The following MIS18A variants were observed in gnomAD, a reference collection of about 807,000 sequenced individuals.
MIS18A encodes MIS18 kinetochore protein A, also known as protein Mis18-alpha.
A neutral mutation model predicts 25.0 loss-of-function variants in MIS18A; 14 were observed. The observed-to-expected ratio is 0.56, with a 90% CI of 0.37 to 0.88. MIS18A has a LOEUF of 0.88. MIS18A is among the 40% of genes least tolerant of loss of function. The pLI, the probability that MIS18A is intolerant of heterozygous loss-of-function variation, is 0.00. For missense variants in MIS18A, 292 were observed against 290.8 expected, an observed-to-expected ratio of 1.00 and a Z score of -0.03; for synonymous variants, 134 against 118.6, an observed-to-expected ratio of 1.13 and a Z score of -0.84.
chr21:32,276,073 A>G (rs79428980), intron 1 of MIS18A, among the ~76,000 whole-genome samples: 1 of 152,004 alleles, frequency 6.6e-6, no homozygotes. Flanking sequence ...TCCTCCCTAA[A>G]TCTTATCTTT....
chr21:32,278,970 G>T lies in MIS18A; in HGVS notation c.45C>A (p.Gly15=), dbSNP rs1441564293. 3 of 1,611,442 alleles carry T rather than the reference G, an allele frequency of 1.9e-6. No homozygotes were observed. The highest frequency in any genetic ancestry group is 2.5e-6 in the Non-Finnish European group (3 of 1,179,892). The part of the protein sequence containing the change: ...RSLRCSRGCA[G]GCECGDKGKC... ...TGCCCTTGTCGCCGCACTCACAGCCGCCAGCGCATCCTCTGCTACACCTCA... is the reference window on the plus strand; with the variant it reads ...TGCCCTTGTCGCCGCACTCACAGCCTCCAGCGCATCCTCTGCTACACCTCA... Residue 15 remains glycine, a synonymous_variant, in exon 1 of 5, where the codon GGC becomes GGA. Coordinates refer to ENST00000290130, the MANE Select transcript of MIS18A (RefSeq NM_018944.3).
At chr21:32,193,484 A>G in the MIS18A span, among the ~76,000 whole-genome samples, 6 of 23,014 alleles carry the variant, frequency 2.6e-4, no homozygotes, top group Admixed American at 5.5e-4. Flanking sequence ...AGATAGGTAG[A>G]TAGATAGATA....
the MIS18A span, among the ~76,000 whole-genome samples, chr21:32,185,908 A>G: frequency 2.0e-5 from 3 of 152,166 alleles, no homozygotes; most frequent in South Asian, 6.2e-4. Flanking sequence ...ATTCTAGTGC[A>G]GGGGTCTCAC....
At chr21:32,199,841 A>C in the MIS18A span, among the ~76,000 whole-genome samples, 17 of 152,038 alleles carry the variant, frequency 1.1e-4, no homozygotes, top group African/African-American at 2.9e-4. Context: ...AACAAACAAA[A>C]AAAGAAATAC....
the MIS18A span, among the ~76,000 whole-genome samples, chr21:32,162,465 A>G: frequency 3.3e-5 from 5 of 152,200 alleles, no homozygotes; most frequent in African/African-American, 1.2e-4. Context: ...TATTTCACCC[A>G]TCAGTTTCAA....
chr21:32,172,671 C>T, the MIS18A span, among the ~76,000 whole-genome samples: 2 of 148,424 alleles, frequency 1.3e-5, no homozygotes, highest in South Asian at 4.3e-4. Context: ...ATAATCAAAA[C>T]AATCTTTAAA....
At chr21:32,262,522 C>T in the MIS18A span, among the ~76,000 whole-genome samples, 4 of 152,174 alleles carry the variant, frequency 2.6e-5, no homozygotes, top group African/African-American at 7.2e-5. Context: ...GTGAAAGTGA[C>T]GACATCCTGG....
intron 2 of MIS18A, 52 bp from the exon 3 acceptor site, chr21:32,270,581 A>G (rs1313876003): frequency 2.7e-6 from 4 of 1,470,980 alleles, no homozygotes; most frequent in Non-Finnish European, 2.7e-6. Flanking sequence ...ACTCATTATA[A>G]TAAAAATCTC....
chr21:32,172,123 C>T, the MIS18A span, among the ~76,000 whole-genome samples: 3 of 151,846 alleles, frequency 2.0e-5, no homozygotes, highest in African/African-American at 7.3e-5. Context: ...TGGCTATTAT[C>T]AAAAAGACAC....
At chr21:32,165,740 G>A in the MIS18A span, among the ~76,000 whole-genome samples, 4 of 152,166 alleles carry the variant, frequency 2.6e-5, no homozygotes, top group Non-Finnish European at 5.9e-5. Context: ...AATCTGACAC[G>A]TTTGAATGAT....
chr21:32,223,880 C>A, the MIS18A span, among the ~76,000 whole-genome samples: 1 of 152,160 alleles, frequency 6.6e-6, no homozygotes, highest in African/African-American at 2.4e-5. Flanking sequence ...AAATCCTCAA[C>A]AAAATAATGG....
chr21:32,157,223 A>ATTTTTTTTTTTTTTTTTTTTTTTTTTTTT, the MIS18A span, among the ~76,000 whole-genome samples: 1 of 72,322 alleles, frequency 1.4e-5, no homozygotes. Flanking sequence ...TACCCGGCTA[A>ATTTTTTTTTTTTTTTTTTTTTTTTTTTTT]TTTTTTTTTT....
At chr21:32,215,333 G>T in the MIS18A span, among the ~76,000 whole-genome samples, 1 of 152,162 alleles carries the variant, frequency 6.6e-6, no homozygotes, top group Non-Finnish European at 1.5e-5. Context: ...TACAGGGGTA[G>T]CACTGTGGGG....
the MIS18A span, among the ~76,000 whole-genome samples, chr21:32,233,140 T>C: frequency 6.6e-6 from 1 of 152,240 alleles, no homozygotes; most frequent in South Asian, 2.1e-4. Context: ...CTTTCCTGGA[T>C]GAATTCCTTG....
At chr21:32,259,180 T>C in the MIS18A span, among the ~76,000 whole-genome samples, 1 of 152,186 alleles carries the variant, frequency 6.6e-6, no homozygotes, top group Admixed American at 6.5e-5. Flanking sequence ...AGCCAGGGTC[T>C]GCATTTCTGA....
the MIS18A span, among the ~76,000 whole-genome samples, chr21:32,156,924 T>C: frequency 6.6e-6 from 1 of 152,146 alleles, no homozygotes; most frequent in Non-Finnish European, 1.5e-5. Context: ...ATGAGAGATA[T>C]TAACTGCTTC....
chr21:32,216,176 T>TA, the MIS18A span, among the ~76,000 whole-genome samples: 113 of 152,212 alleles, frequency 7.4e-4, 1 homozygote, highest in African/African-American at 2.2e-3. Context: ...TGAATCTTGG[T>TA]AAAAAAATAG....
the MIS18A span, among the ~76,000 whole-genome samples, chr21:32,203,293 C>A: frequency 2.0e-5 from 3 of 151,628 alleles, no homozygotes; most frequent in African/African-American, 7.3e-5. Flanking sequence ...AAATGCAAGA[C>A]ATTTACCCTA....
At chr21:32,164,381 C>A in the MIS18A span, among the ~76,000 whole-genome samples, 1 of 152,144 alleles carries the variant, frequency 6.6e-6, no homozygotes, top group African/African-American at 2.4e-5. Flanking sequence ...AATTCTCAAA[C>A]CTTTCAAGAA....
Sources: allele counts gnomAD v4.1 joint callset (sites outside exome capture counted in the v4.1 genomes callset), GRCh38; gene constraint gnomAD v4.1.1; transcripts MANE v1.5; gene names NCBI Gene and HGNC (gene_info 2026-07-23, HGNC 2026-07-21).